RPS6KC1: variants seen among roughly 807,000 people sequenced by gnomAD.
The protein encoded by RPS6KC1 is inactive ribosomal protein S6 kinase delta-1.
In RPS6KC1, 54 loss-of-function variants were observed where a neutral mutation model predicts 103.8. That is an observed-to-expected ratio of 0.52 (90% CI 0.42 to 0.65). The LOEUF is 0.65. RPS6KC1 is among the 30% of genes least tolerant of loss of function. The probability of loss-of-function intolerance (pLI) is 0.00; values close to 1 mark genes in which losing one functional copy is unlikely to be tolerated. For synonymous variants in RPS6KC1, 439 were observed against 438.7 expected, an observed-to-expected ratio of 1.00 and a Z score of -0.01; for missense variants, 1,151 against 1,253.8, an observed-to-expected ratio of 0.92 and a Z score of 1.24.
chr1:213,089,104 A>T (rs1042407779), intron 3 of RPS6KC1, among the ~76,000 whole-genome samples: 2 of 152,250 alleles, frequency 1.3e-5, no homozygotes, highest in African/African-American at 4.8e-5. Flanking sequence ...TGGGCACATA[A>T]TAAAAAGAAA....
chr1:213,443,764 A>C, the RPS6KC1 span, among the ~76,000 whole-genome samples: 1 of 152,056 alleles, frequency 6.6e-6, no homozygotes, highest in Non-Finnish European at 1.5e-5. Context: ...AAAAATATAA[A>C]AAAATTAGCT....
At chr1:213,408,351 A>G in the RPS6KC1 span, among the ~76,000 whole-genome samples, 6 of 152,144 alleles carry the variant, frequency 3.9e-5, no homozygotes, top group Non-Finnish European at 7.3e-5. Flanking sequence ...TCCATTGATC[A>G]TCTCATCTTC....
In RPS6KC1 at chr1:213,200,055, T is replaced by C. The variant is rs566130988; in HGVS notation, c.1044+23563T>C. 7.9e-4 allele frequency among the ~76,000 whole-genome samples: 121 copies of C among 152,296 alleles called. 2 individuals carry two copies. The highest frequency in any genetic ancestry group is 2.8e-3 in the African/African-American group (116 of 41,566). On this transcript the variant is annotated intron_variant, in intron 8 of 14. Coordinates refer to ENST00000366960, the MANE Select transcript of RPS6KC1 (RefSeq NM_012424.6). ...AGAATCAATATTGTTAAAATGGCCA[T>C]ACTGCCCAAAGCAGTTTATAGATAA...
At chr1:213,668,611 T>C in the RPS6KC1 span, among the ~76,000 whole-genome samples, 10,748 of 152,092 alleles carry the variant, frequency 0.071, 1,086 homozygotes, top group African/African-American at 0.22. Flanking sequence ...CAAGCTACAT[T>C]AGCCCCTAAC....
chr1:213,375,066 C>T, the RPS6KC1 span, among the ~76,000 whole-genome samples: 1 of 151,758 alleles, frequency 6.6e-6, no homozygotes, highest in East Asian at 1.9e-4. Flanking sequence ...CACACATACA[C>T]ACACATACAC....
chr1:213,315,341 T>C, the RPS6KC1 span, among the ~76,000 whole-genome samples: 1 of 152,212 alleles, frequency 6.6e-6, no homozygotes, highest in Non-Finnish European at 1.5e-5. Flanking sequence ...ATTTTGACAC[T>C]AGCCTGAGCA....
chr1:213,269,249 G>T (rs970415926), intron 14 of RPS6KC1, among the ~76,000 whole-genome samples: 18 of 152,166 alleles, frequency 1.2e-4, no homozygotes, highest in African/African-American at 4.1e-4. Flanking sequence ...TAGTACAGGG[G>T]TAGCTGTAAC....
the RPS6KC1 span, among the ~76,000 whole-genome samples, chr1:213,401,855 T>A: frequency 1.8e-4 from 27 of 152,178 alleles, no homozygotes; most frequent in Non-Finnish European, 2.5e-4. Context: ...GGTGTGCTCA[T>A]AATTCATTGC....
At chr1:213,817,605 C>G in the RPS6KC1 span, 1 of 152,198 alleles carries the variant, frequency 6.6e-6, no homozygotes, top group Non-Finnish European at 1.5e-5. Flanking sequence ...CAGTCCAACC[C>G]TGTCTGAGCG....
At chr1:213,108,603 G>A (rs1194186304) in intron 4 of RPS6KC1, among the ~76,000 whole-genome samples, 3 of 148,644 alleles carry the variant, frequency 2.0e-5, no homozygotes, top group African/African-American at 7.4e-5. Context: ...GCTTATCCAT[G>A]TGAACAAAAA....
chr1:213,428,224 G>A, the RPS6KC1 span, among the ~76,000 whole-genome samples: 1 of 152,136 alleles, frequency 6.6e-6, no homozygotes, highest in Non-Finnish European at 1.5e-5. Context: ...TCAAACAGCT[G>A]CCTGGACACG....
the RPS6KC1 span, among the ~76,000 whole-genome samples, chr1:213,851,538 G>A: frequency 6.6e-5 from 10 of 151,974 alleles, no homozygotes; most frequent in South Asian, 2.1e-4. Flanking sequence ...TTCATGACAC[G>A]TTGAGCGAGA....
chr1:213,592,017 T>A, the RPS6KC1 span, among the ~76,000 whole-genome samples: 1 of 152,198 alleles, frequency 6.6e-6, no homozygotes, highest in Admixed American at 6.5e-5. Flanking sequence ...GAGCTAAGGT[T>A]TGTCTGCAGG....
intron 1 of RPS6KC1, among the ~76,000 whole-genome samples, chr1:213,052,957 T>C (rs939316911): frequency 6.6e-6 from 1 of 152,180 alleles, no homozygotes; most frequent in African/African-American, 2.4e-5. Context: ...TGAACATGTC[T>C]GTATAAAGAT....
chr1:213,516,291 C>T, the RPS6KC1 span, among the ~76,000 whole-genome samples: 4 of 152,122 alleles, frequency 2.6e-5, no homozygotes, highest in African/African-American at 9.7e-5. Flanking sequence ...TGAGAGAGGG[C>T]ATCCCTGTCT....
At chr1:213,518,502 G>T in the RPS6KC1 span, among the ~76,000 whole-genome samples, 1 of 152,338 alleles carries the variant, frequency 6.6e-6, no homozygotes, top group Non-Finnish European at 1.5e-5. Context: ...TAGAGCCTTT[G>T]CAGGGAGCCC....
chr1:213,556,507 C>T, the RPS6KC1 span, among the ~76,000 whole-genome samples: 3 of 152,252 alleles, frequency 2.0e-5, no homozygotes, highest in East Asian at 3.9e-4. Flanking sequence ...CTTACCTAGG[C>T]TGCTGCTGCA....
At chr1:213,633,812 G>T in the RPS6KC1 span, among the ~76,000 whole-genome samples, 2 of 132,502 alleles carry the variant, frequency 1.5e-5, no homozygotes, top group African/African-American at 2.8e-5. Flanking sequence ...CATCTCAAGT[G>T]CAGAGACACA....
chr1:213,771,075 T>C, the RPS6KC1 span, among the ~76,000 whole-genome samples: 1 of 152,222 alleles, frequency 6.6e-6, no homozygotes, highest in African/African-American at 2.4e-5. Context: ...TCTTTTCTTT[T>C]GCTCCATTCC....
Sources: allele counts gnomAD v4.1 joint callset (sites outside exome capture counted in the v4.1 genomes callset), GRCh38; gene constraint gnomAD v4.1.1; transcripts MANE v1.5; gene names NCBI Gene and HGNC (gene_info 2026-07-23, HGNC 2026-07-21).